ARID4A: variants seen among roughly 807,000 people sequenced by gnomAD.
ARID4A encodes AT-rich interaction domain 4A, also known as AT-rich interactive domain-containing protein 4A.
Under a neutral mutation model 148.6 loss-of-function variants are expected in ARID4A, and 39 were observed. The ratio of observed to expected loss-of-function variants is 0.26; its 90% CI spans 0.20 to 0.34. The LOEUF (loss-of-function observed/expected upper bound fraction) is 0.34. Ranked by LOEUF, ARID4A falls within the 10% of genes least tolerant of loss-of-function variation. ARID4A has a pLI of 1.00. For missense variants in ARID4A, 1,265 were observed against 1,449.1 expected, an observed-to-expected ratio of 0.87 and a Z score of 2.06; for synonymous variants, 475 against 481.2, an observed-to-expected ratio of 0.99 and a Z score of 0.17.
At chr14:58,350,134 C>T (rs1344809584) in intron 15 of ARID4A, among the ~76,000 whole-genome samples, 1 of 148,500 alleles carries the variant, frequency 6.7e-6, no homozygotes, top group Non-Finnish European at 1.5e-5. Flanking sequence ...AAGCACCTGC[C>T]ACCTGCTATG....
At chr14:58,347,248 C>A in intron 14 of ARID4A, 131 bp downstream of exon 14, 1 of 496,324 alleles carries the variant, frequency 2.0e-6, no homozygotes. Flanking sequence ...TTTAGGTTGA[C>A]AGATACTTGT....
At chr14:58,361,461 T>C (rs574973833) in intron 19 of ARID4A, among the ~76,000 whole-genome samples, 2 of 152,318 alleles carry the variant, frequency 1.3e-5, no homozygotes, top group African/African-American at 4.8e-5. Flanking sequence ...TCTGTGATTG[T>C]TTGGCATCAC....
chr14:58,330,243 T>G, intron 11 of ARID4A, 74 bp downstream of exon 11: 2 of 1,522,778 alleles, frequency 1.3e-6, no homozygotes, highest in Non-Finnish European at 1.8e-6. Flanking sequence ...CATATATTTT[T>G]CCCTCTGTTT....
intron 23 of ARID4A, among the ~76,000 whole-genome samples, chr14:58,371,069 C>G (rs564097811): frequency 1.8e-3 from 274 of 152,152 alleles, no homozygotes; most frequent in African/African-American, 6.2e-3. Context: ...GCAGGAAGAT[C>G]ACTTGAGTCC....
intron 5 of ARID4A, among the ~76,000 whole-genome samples, chr14:58,306,440 T>A (rs2031605425): frequency 6.6e-6 from 1 of 152,254 alleles, no homozygotes; most frequent in Non-Finnish European, 1.5e-5. Context: ...CGATCGTTAC[T>A]GTATTGCTAC....
In ARID4A at chr14:58,366,009, T is replaced by C; in HGVS notation, c.3317-15T>C. On this transcript the variant is annotated splice_polypyrimidine_tract_variant and intron_variant, in intron 21 of 23. Transcript: ENST00000355431. Reference sequence around the variant, plus strand: ...TTTATTTATAATCTGAGTCAATCTTTTTTATTATTTATAGGACAAAGCAGT... The same window carrying C: ...TTTATTTATAATCTGAGTCAATCTTCTTTATTATTTATAGGACAAAGCAGT... 6.4e-7 allele frequency: 1 copy of C among 1,571,254 alleles called. No individual in the cohort carries two copies. Among genetic ancestry groups the C allele is most frequent in the Non-Finnish European group, 8.7e-7 (1 of 1,155,906 alleles).
At chr14:58,359,563 C>T (rs2035041615) in intron 18 of ARID4A, among the ~76,000 whole-genome samples, 1 of 152,090 alleles carries the variant, frequency 6.6e-6, no homozygotes, top group Non-Finnish European at 1.5e-5. Flanking sequence ...TACAGAGTAG[C>T]TTTACTGCCC....
At chr14:58,362,359 C>T (rs563637873) in intron 19 of ARID4A, among the ~76,000 whole-genome samples, 2 of 152,162 alleles carry the variant, frequency 1.3e-5, no homozygotes, top group East Asian at 3.9e-4. Flanking sequence ...GAGGCTGAGG[C>T]AAAAGGATCA....
Position 58,346,424 on chromosome 14 carries a change from CA to C in ARID4A, c.996del (p.Lys332AsnfsTer46). 6.2e-7 allele frequency: 1 copy of C among 1,604,876 alleles called. No individual in the cohort carries two copies. Among genetic ancestry groups the C allele is most frequent in the Non-Finnish European group, 8.5e-7 (1 of 1,174,456 alleles). On this transcript the variant is annotated frameshift_variant, in exon 13 of 24. Transcript: ENST00000355431. LOFTEE classifies it high-confidence loss of function. ...TACATTGAAAAGGTACTCCAATCAA[CA>C]AACCACCTGTTTTGGGCTATAAAGA... ...FMEDRGTPINKPPVLGYKDLN... is the reference protein window; with the variant it reads ...FMEDRGTPINXPPVLGYKDLN...
intron 22 of ARID4A, among the ~76,000 whole-genome samples, chr14:58,366,673 TTAGTA>T (rs760323646): frequency 3.9e-5 from 6 of 152,182 alleles, no homozygotes; most frequent in Non-Finnish European, 8.8e-5. Context: ...TAATAAATGT[TTAGTA>T]TAGAAAATTT....
chr14:58,313,196 TAGAC>T (rs772709049), intron 5 of ARID4A, among the ~76,000 whole-genome samples: 8 of 152,192 alleles, frequency 5.3e-5, no homozygotes, highest in Non-Finnish European at 4.4e-5. Flanking sequence ...AGATGATAGA[TAGAC>T]AGATTGATAC....
chr14:58,317,315 T>C (rs1287666258), intron 5 of ARID4A, among the ~76,000 whole-genome samples: 2 of 148,798 alleles, frequency 1.3e-5, no homozygotes, highest in African/African-American at 4.9e-5. Flanking sequence ...GACGGAGTCT[T>C]GCTCTGTCGT....
chr14:58,306,152 G>C, intron 5 of ARID4A, 40 bp downstream of exon 5: 1 of 1,412,684 alleles, frequency 7.1e-7, no homozygotes, highest in South Asian at 1.2e-5. Context: ...TGATTTGGAG[G>C]TTGCATGTAT....
intron 3 of ARID4A, among the ~76,000 whole-genome samples, chr14:58,302,957 C>T (rs935022209): frequency 1.3e-5 from 2 of 151,412 alleles, no homozygotes; most frequent in Non-Finnish European, 2.9e-5. Context: ...AAGACCCTGT[C>T]TCAAAAAAAA....
Position 58,347,794 on chromosome 14 carries a change from A to G in ARID4A, c.1320A>G (p.Leu440=), listed in dbSNP as rs771652002. 1 of 1,613,922 alleles carries G rather than the reference A, an allele frequency of 6.2e-7. No individual in the cohort carries two copies. Among genetic ancestry groups the G allele is most frequent in the South Asian group, 1.1e-5 (1 of 91,080 alleles). The change falls in exon 15 of 24, where the codon TTA becomes TTG. Residue 440 remains leucine (L), a synonymous_variant. Coordinates refer to ENST00000355431, the MANE Select transcript of ARID4A (RefSeq NM_002892.4). ...TCAAATTAGATCAAGAAATGCCTTT[A>G]ACAGAAGTGAAGAGTGAACCTGAGG... ...EALKLDQEMP[L]TEVKSEPEEN...
chr14:58,326,464 C>G (rs1248755143), intron 8 of ARID4A, among the ~76,000 whole-genome samples: 4 of 152,114 alleles, frequency 2.6e-5, no homozygotes, highest in Non-Finnish European at 5.9e-5. Flanking sequence ...TGGGTTTGTT[C>G]ATGGAACTGT....
At chr14:58,346,244 AAAC>A (rs1566705267) in intron 12 of ARID4A, among the ~76,000 whole-genome samples, 164 bp from the exon 13 acceptor site, 2 of 150,388 alleles carry the variant, frequency 1.3e-5, no homozygotes, top group African/African-American at 4.9e-5. Context: ...ATTATATATA[AAAC>A]AACACAAGAG....
chr14:58,335,427 C>T (rs2140204798), intron 11 of ARID4A, among the ~76,000 whole-genome samples: 1 of 151,868 alleles, frequency 6.6e-6, no homozygotes. Flanking sequence ...AATTCTCCTG[C>T]CTCAGCCTCC....
In ARID4A at chr14:58,337,194, A is replaced by G. The variant is rs1367522402; in HGVS notation, c.906+7025A>G. Among the ~76,000 whole-genome samples, 3 of 142,698 alleles carry G rather than the reference A, an allele frequency of 2.1e-5. No individual in the cohort carries two copies. The East Asian group carries it at 6.1e-4, about 29-fold the overall frequency. 93.6% of individuals were successfully genotyped at this position (142,698 alleles called of 152,430 possible). A position where few individuals can be genotyped will look rare whatever the true frequency, so the allele number is the denominator to read the frequency against. The stretch of plus-strand genomic sequence containing the variant: ...GGCATGAGCCACTGCGCCCAGCCCC[A>G]AAGTGAACTTTCTAGAACCTTACAA... On this transcript the variant is annotated intron_variant, in intron 11 of 23. Coordinates refer to ENST00000355431, the MANE Select transcript of ARID4A (RefSeq NM_002892.4).
Sources: gnomAD v4.1 joint callset for allele counts (sites outside exome capture counted in the v4.1 genomes callset) on GRCh38, gnomAD v4.1.1 for gene constraint, MANE v1.5 for transcripts, NCBI Gene and HGNC (gene_info 2026-07-23, HGNC 2026-07-21) for gene names.